STIM1: variants seen among roughly 807,000 people sequenced by gnomAD.
STIM1 encodes stromal interaction molecule 1.
In STIM1, 25 loss-of-function variants were observed where a neutral mutation model predicts 74.7. The ratio of observed to expected loss-of-function variants is 0.33; its 90% CI spans 0.24 to 0.47. The LOEUF is 0.47. STIM1 is among the 20% of genes least tolerant of loss of function. The probability of loss-of-function intolerance (pLI) is 1.00; values close to 1 mark genes in which losing one functional copy is unlikely to be tolerated. For missense variants in STIM1, 728 were observed against 920.8 expected, an observed-to-expected ratio of 0.79 and a Z score of 2.71; for synonymous variants, 328 against 348.8, an observed-to-expected ratio of 0.94 and a Z score of 0.66.
chr11:3,958,051 A>G (rs1009821158), intron 1 of STIM1, among the ~76,000 whole-genome samples: 1 of 152,174 alleles, frequency 6.6e-6, no homozygotes, highest in African/African-American at 2.4e-5. Flanking sequence ...TTTTTAATAG[A>G]GACAGGGTGT....
At chr11:4,042,695 C>T (rs2094157464) in intron 3 of STIM1, among the ~76,000 whole-genome samples, 1 of 152,174 alleles carries the variant, frequency 6.6e-6, no homozygotes, top group African/African-American at 2.4e-5. Flanking sequence ...TCAGTGTTCT[C>T]TGAGCATGCT....
At chr11:4,031,367 A>T (rs1200477250) in intron 3 of STIM1, among the ~76,000 whole-genome samples, 1 of 152,216 alleles carries the variant, frequency 6.6e-6, no homozygotes, top group East Asian at 1.9e-4. Context: ...TTCACATGTA[A>T]GTCTGTATGG....
chr11:3,862,218 C>T (rs1158612946), intron 1 of STIM1, among the ~76,000 whole-genome samples: 2 of 152,090 alleles, frequency 1.3e-5, no homozygotes, highest in African/African-American at 4.8e-5. Flanking sequence ...GAAATCATCC[C>T]AAGACCTTGT....
intron 2 of STIM1, among the ~76,000 whole-genome samples, chr11:3,996,663 C>T (rs1425300714): frequency 6.6e-6 from 1 of 152,200 alleles, no homozygotes; most frequent in African/African-American, 2.4e-5. Context: ...ATATTGTGGA[C>T]TCTCGCTGTT....
chr11:3,872,129 T>C (rs1483975028), intron 1 of STIM1, among the ~76,000 whole-genome samples: 1 of 150,476 alleles, frequency 6.6e-6, no homozygotes, highest in Non-Finnish European at 1.5e-5. Context: ...CTCGGCCCAT[T>C]GCAACCTCCG....
At chr11:3,977,527 T>C (rs2093460096) in intron 2 of STIM1, among the ~76,000 whole-genome samples, 1 of 152,204 alleles carries the variant, frequency 6.6e-6, no homozygotes, top group Non-Finnish European at 1.5e-5. Context: ...CATTAGAAAT[T>C]GGAGTAATAA....
At chr11:4,001,352 T>C (rs11030580) in intron 2 of STIM1, among the ~76,000 whole-genome samples, 4,226 of 151,608 alleles carry the variant, frequency 0.028, 148 homozygotes, top group African/African-American at 0.084. Context: ...TCGGGTTACC[T>C]TCAAAGGGAA....
At chr11:3,918,365 A>G (rs749850381) in intron 1 of STIM1, among the ~76,000 whole-genome samples, 3 of 151,946 alleles carry the variant, frequency 2.0e-5, no homozygotes, top group Non-Finnish European at 4.4e-5. Context: ...AAAAATACAA[A>G]AATTAGCTGG....
At chr11:4,037,613 T>C (rs1443379724) in intron 3 of STIM1, among the ~76,000 whole-genome samples, 1 of 152,222 alleles carries the variant, frequency 6.6e-6, no homozygotes, top group African/African-American at 2.4e-5. Context: ...GTTGTTAGTT[T>C]GGAATGTCTT....
intron 1 of STIM1, chr11:3,922,460 T>C (rs1160332678): frequency 6.6e-6 from 1 of 152,248 alleles, no homozygotes; most frequent in African/African-American, 2.4e-5. Flanking sequence ...TTATGTATGC[T>C]GGATATAAGT....
intron 1 of STIM1, among the ~76,000 whole-genome samples, chr11:3,933,365 C>G (rs907131487): frequency 6.6e-6 from 1 of 152,144 alleles, no homozygotes; most frequent in African/African-American, 2.4e-5. Flanking sequence ...TTTAATACTC[C>G]CTGTAATGCT....
Position 3,943,305 on chromosome 11 carries a change from T to C in STIM1, c.140-24247T>C, listed in dbSNP as rs148989644. Among the ~76,000 whole-genome samples, 287 of 152,350 alleles carry C rather than the reference T, an allele frequency of 1.9e-3. 3 individuals are homozygous for C. In the East Asian group the frequency reaches 0.035, roughly 19 times the overall value. ...AATGGGGACTACTCACATGATAAGA[T>C]TGCCACATGCTATCTAAATATTACA... On this transcript the variant is annotated intron_variant, in intron 1 of 12. Transcript: ENST00000526596.
intron 3 of STIM1, among the ~76,000 whole-genome samples, chr11:4,040,882 G>T (rs1457223180): frequency 1.3e-5 from 2 of 152,214 alleles, no homozygotes; most frequent in Non-Finnish European, 2.9e-5. Context: ...TGGTAGCCTA[G>T]TGAGCCTATC....
intron 1 of STIM1, among the ~76,000 whole-genome samples, chr11:3,944,124 C>T (rs1479941908): frequency 1.3e-5 from 2 of 152,194 alleles, no homozygotes; most frequent in South Asian, 2.1e-4. Flanking sequence ...TTTTTAGGAA[C>T]TTAAGACCCC....
chr11:4,008,424 T>C (rs1250594444), intron 2 of STIM1, among the ~76,000 whole-genome samples: 1 of 152,192 alleles, frequency 6.6e-6, no homozygotes, highest in African/African-American at 2.4e-5. Context: ...AAGGGTTAAG[T>C]TCCTATGGCA....
At chr11:4,054,488 A>G (rs2094272448) in intron 3 of STIM1, among the ~76,000 whole-genome samples, 1 of 152,164 alleles carries the variant, frequency 6.6e-6, no homozygotes, top group African/African-American at 2.4e-5. Flanking sequence ...GTGAGGGAGT[A>G]TTACTGCCTG....
rs1186395376 is a variant in STIM1, at chr11:4,088,726, G to GCTC, written c.1634+2184_1634+2186dup. On this transcript the variant is annotated intron_variant, in intron 12 of 12. Coordinates refer to ENST00000526596, the MANE Select transcript of STIM1 (RefSeq NM_001382567.1). Reference sequence around the variant, plus strand: ...GAGGATCATCTCTAAAGGCAAACAGGCTCTCTAGTAAGGTCAGTAGCTTGG... The same window carrying GCTC: ...GAGGATCATCTCTAAAGGCAAACAGGCTCCTCTCTAGTAAGGTCAGTAGCTTGG... 2.0e-6 allele frequency: 3 copies of GCTC among 1,535,678 alleles called. No homozygotes were observed. The highest frequency in any genetic ancestry group is 3.9e-5 in the Admixed American group (2 of 50,946).
At chr11:4,003,465 T>G (rs1442471195) in intron 2 of STIM1, among the ~76,000 whole-genome samples, 1 of 150,872 alleles carries the variant, frequency 6.6e-6, no homozygotes, top group Admixed American at 6.6e-5. Context: ...ATCCAGCATA[T>G]AAACAGAACC....
intron 1 of STIM1, among the ~76,000 whole-genome samples, chr11:3,904,719 C>T (rs1217514007): frequency 6.6e-6 from 1 of 151,950 alleles, no homozygotes; most frequent in Non-Finnish European, 1.5e-5. Context: ...ATGAAGGAGG[C>T]AGTGTTAGGT....
Sources: gnomAD v4.1 joint callset for allele counts (sites outside exome capture counted in the v4.1 genomes callset) on GRCh38, gnomAD v4.1.1 for gene constraint, MANE v1.5 for transcripts, NCBI Gene and HGNC (gene_info 2026-07-23, HGNC 2026-07-21) for gene names.